Variants in SYNJ1 observed in about 807,000 individuals in gnomAD.
SYNJ1 encodes the protein synaptojanin 1, also known as polyphosphatidylinositol phosphatase SYNJ1.
SYNJ1 carries 78 observed loss-of-function variants against 168.2 expected under a neutral mutation model. The ratio of observed to expected loss-of-function variants is 0.46; its 90% CI spans 0.39 to 0.56. The LOEUF is 0.56. Ranked by LOEUF, SYNJ1 falls within the 20% of genes least tolerant of loss-of-function variation. The pLI is 0.00. For synonymous variants in SYNJ1, 539 were observed against 548.6 expected, an observed-to-expected ratio of 0.98 and a Z score of 0.24; for missense variants, 1,303 against 1,597.6, an observed-to-expected ratio of 0.82 and a Z score of 3.14.
chr21:32,702,930 T>C (rs1380440752), intron 2 of SYNJ1, among the ~76,000 whole-genome samples: 1 of 152,260 alleles, frequency 6.6e-6, no homozygotes, highest in African/African-American at 2.4e-5. Flanking sequence ...GACTGTCTCA[T>C]TTCCTGTCCA....
intron 14 of SYNJ1, 38 bp downstream of exon 14, chr21:32,673,302 A>G (rs373950056): frequency 1.9e-6 from 3 of 1,558,562 alleles, no homozygotes; most frequent in Non-Finnish European, 2.6e-6. Flanking sequence ...CAACACAGTC[A>G]GGATTTATTA....
chr21:32,656,141 T>G (rs1184642778), intron 21 of SYNJ1, among the ~76,000 whole-genome samples: 1 of 152,200 alleles, frequency 6.6e-6, no homozygotes, highest in Non-Finnish European at 1.5e-5. Flanking sequence ...ACATAAAGTT[T>G]CACTGTTTAG....
chr21:32,728,220 C>G (rs2043568922), upstream of SYNJ1: 1 of 663,954 alleles, frequency 1.5e-6, no homozygotes, highest in Non-Finnish European at 2.4e-6. Flanking sequence ...GCGATCCCAC[C>G]GCCGGGGGTG....
At position 32,687,090 on chromosome 21, in the gene SYNJ1, A is replaced by G. The variant is rs760017777; in HGVS notation, c.852-16T>C. On this transcript the variant is annotated splice_polypyrimidine_tract_variant and intron_variant, in intron 7 of 32. Transcript: ENST00000674351. The stretch of plus-strand genomic sequence containing the variant: ...TCTAAAATGCCTATTTAAGAAAGAA[A>G]GGAAATAAATACATGTCAAATAAGA... 1.5e-6 allele frequency: 2 copies of G among 1,367,998 alleles called. No individual in the cohort carries two copies. Among genetic ancestry groups the G allele is most frequent in the African/African-American group, 1.5e-5 (1 of 65,556 alleles). 84.7% of individuals were successfully genotyped at this position (1,367,998 alleles called of 1,614,324 possible). A position where few individuals can be genotyped will look rare whatever the true frequency, so the allele number is the denominator to read the frequency against.
intron 2 of SYNJ1, among the ~76,000 whole-genome samples, chr21:32,717,945 C>G (rs922544637): frequency 2.0e-5 from 3 of 152,216 alleles, no homozygotes; most frequent in Admixed American, 6.5e-5. Flanking sequence ...TAAGCTGGAG[C>G]ATTCATAAAA....
chr21:32,711,416 T>G (rs1349022177), intron 2 of SYNJ1, among the ~76,000 whole-genome samples: 1 of 151,580 alleles, frequency 6.6e-6, no homozygotes, highest in Non-Finnish European at 1.5e-5. Context: ...CACTGCAACC[T>G]CCACCTCCTG....
chr21:32,645,365 C>T (rs939286544), intron 25 of SYNJ1, among the ~76,000 whole-genome samples: 1 of 152,054 alleles, frequency 6.6e-6, no homozygotes, highest in Admixed American at 6.6e-5. Context: ...AGTTTACATG[C>T]CTAACTAGAT....
chr21:32,639,592 C>G, intron 30 of SYNJ1, 79 bp downstream of exon 30: 1 of 1,116,308 alleles, frequency 9.0e-7, no homozygotes. Flanking sequence ...ACAGGCGGGT[C>G]TCACTATGTT....
intron 4 of SYNJ1, among the ~76,000 whole-genome samples, chr21:32,698,633 C>G (rs2042292884): frequency 6.6e-6 from 1 of 152,196 alleles, no homozygotes; most frequent in South Asian, 2.1e-4. Context: ...TGCAATAGAA[C>G]AATGCTAATT....
intron 11 of SYNJ1, 122 bp downstream of exon 11, chr21:32,681,345 TATCAAAGAAGGCATAAAAGCACATTAAAC>T: frequency 1.2e-6 from 1 of 828,478 alleles, no homozygotes; most frequent in Non-Finnish European, 1.8e-6. Context: ...TGAAAGGAAG[TATCAAAGAAGGCATAAAAGCACATTAAAC>T]AGAATTCTAA....
At chr21:32,664,012 G>A (rs2040820789) in intron 18 of SYNJ1, among the ~76,000 whole-genome samples, 1 of 152,228 alleles carries the variant, frequency 6.6e-6, no homozygotes, top group South Asian at 2.1e-4. Context: ...CTGTGCAAGT[G>A]TGGCATGGAT....
In SYNJ1 at chr21:32,727,999, G is replaced by C. The variant is rs1416068005; in HGVS notation, c.-76C>G. On this transcript the variant is annotated 5_prime_UTR_variant, in exon 1 of 33. Coordinates refer to ENST00000674351, the MANE Select transcript of SYNJ1 (RefSeq NM_203446.3). ...TCCCGCAGCCGCCGCCACAGCCGCC[G>C]GGAGCGTCACTTCCGCTCCAGCAGG... 6.5e-7 allele frequency: 1 copy of C among 1,536,152 alleles called. No individual in the cohort carries two copies. Among genetic ancestry groups the C allele is most frequent in the Non-Finnish European group, 8.7e-7 (1 of 1,145,972 alleles).
chr21:32,716,492 G>T (rs923526776), intron 2 of SYNJ1, among the ~76,000 whole-genome samples: 6 of 152,088 alleles, frequency 3.9e-5, no homozygotes, highest in Non-Finnish European at 8.8e-5. Context: ...ATGTCCTCTG[G>T]CTTGGATTGC....
chr21:32,698,759 A>AT (rs1169931659), intron 4 of SYNJ1, among the ~76,000 whole-genome samples: 4 of 152,118 alleles, frequency 2.6e-5, no homozygotes, highest in Non-Finnish European at 5.9e-5. Flanking sequence ...ATAGTACTAG[A>AT]TTTTGTCCCA....
chr21:32,666,499 G>A lies in SYNJ1; in HGVS notation c.1886C>T (p.Ala629Val), dbSNP rs773372851. The change falls in exon 16 of 33, where the codon GCT becomes GTT. Residue 629 changes from alanine (A) to valine (V), a missense_variant. Physicochemically the swap from Ala to Val is moderately conservative, Grantham distance 64. Coordinates refer to ENST00000674351, the MANE Select transcript of SYNJ1 (RefSeq NM_203446.3). The part of the protein sequence containing the change: ...ISRDNKYVLL[A>V]SEQLVGVCLF... ...ACAGACGCCCACCAACTGTTCAGAA[G>A]CCAGCAGCACATACTTGTTGTCTCT... The A allele has an allele frequency of 1.2e-6, 2 of 1,614,112 alleles. No homozygotes were observed. The highest frequency in any genetic ancestry group is 3.3e-5 in the Admixed American group (2 of 60,028).
intron 6 of SYNJ1, among the ~76,000 whole-genome samples, chr21:32,692,663 G>A (rs1190439203): frequency 1.3e-5 from 2 of 152,140 alleles, no homozygotes; most frequent in African/African-American, 2.4e-5. Context: ...GGAGAAGGAA[G>A]GCACAAGGAA....
chr21:32,663,488 G>C (rs933909246), intron 18 of SYNJ1, among the ~76,000 whole-genome samples: 6 of 152,308 alleles, frequency 3.9e-5, no homozygotes, highest in South Asian at 2.1e-4. Context: ...TGTGGGCATA[G>C]AGCTTGTGCC....
At chr21:32,634,170 T>C in intron 32 of SYNJ1, among the ~76,000 whole-genome samples, 1 of 152,280 alleles carries the variant, frequency 6.6e-6, no homozygotes, top group Middle Eastern at 3.4e-3. Context: ...ACACCTTTAT[T>C]TGCATATATA....
chr21:32,654,036 G>C lies in SYNJ1; in HGVS notation c.2796-670C>G, dbSNP rs1400647224. 7 of 151,968 alleles carry C rather than the reference G, an allele frequency of 4.6e-5. No homozygotes were observed. The South Asian group carries it at 1.2e-3, about 27-fold the overall frequency. 9.4% of individuals were successfully genotyped at this position (151,968 alleles called of 1,614,324 possible). On this transcript the variant is annotated intron_variant, in intron 21 of 32. Coordinates refer to ENST00000674351, the MANE Select transcript of SYNJ1 (RefSeq NM_203446.3). ...GAAGAAGTTCTGAAGAGGGTCGCAG[G>C]TATGTAATGAAGTTATTATTCAAAA...
Sources: gnomAD v4.1 joint callset for allele counts (sites outside exome capture counted in the v4.1 genomes callset) on GRCh38, gnomAD v4.1.1 for gene constraint, MANE v1.5 for transcripts, NCBI Gene and HGNC (gene_info 2026-07-23, HGNC 2026-07-21) for gene names.